The following TRAF3IP1 variants were observed in gnomAD, a reference collection of about 807,000 sequenced individuals.
The protein encoded by TRAF3IP1 is TRAF3-interacting protein 1.
In TRAF3IP1, 53 loss-of-function variants were observed where a neutral mutation model predicts 89.9. That is an observed-to-expected ratio of 0.59 (90% CI 0.47 to 0.74). TRAF3IP1 has a LOEUF of 0.74. TRAF3IP1 is among the 30% of genes least tolerant of loss of function. The pLI is 0.00. For synonymous variants in TRAF3IP1, 311 were observed against 322.1 expected, an observed-to-expected ratio of 0.97 and a Z score of 0.37; for missense variants, 806 against 866.1, an observed-to-expected ratio of 0.93 and a Z score of 0.87.
rs141509636 is a variant in TRAF3IP1 at position 238,375,219 on chromosome 2, G to A, written c.1689+19139G>A. On this transcript the variant is annotated intron_variant, in intron 15 of 16. Transcript: ENST00000373327. ...CTTCTCTCATTCTTTTAATTGTGAT[G>A]TTAGGGTGTTGATTTTAAATCTTTC... 2.7e-3 allele frequency among the ~76,000 whole-genome samples: 411 copies of A among 152,272 alleles called. 2 individuals carry two copies. The highest frequency in any genetic ancestry group is 9.3e-3 in the African/African-American group (388 of 41,548).
At chr2:238,352,330 G>T (rs1699208384) in intron 12 of TRAF3IP1, among the ~76,000 whole-genome samples, 2 of 152,136 alleles carry the variant, frequency 1.3e-5, no homozygotes, top group Non-Finnish European at 2.9e-5. Context: ...TTGAATGAGG[G>T]GCCTCCAGCT....
At chr2:238,331,680 C>CGATCTG (rs1698132974) in intron 5 of TRAF3IP1, among the ~76,000 whole-genome samples, 1 of 152,136 alleles carries the variant, frequency 6.6e-6, no homozygotes, top group Admixed American at 6.6e-5. Context: ...CTTCTGTGGA[C>CGATCTG]GATCTGGGGG....
intron 8 of TRAF3IP1, among the ~76,000 whole-genome samples, chr2:238,343,007 G>A (rs1330890718): frequency 6.6e-6 from 1 of 152,006 alleles, no homozygotes; most frequent in Non-Finnish European, 1.5e-5. Flanking sequence ...TAGAGTGGTA[G>A]GTCCTTTGAC....
At chr2:238,375,640 T>C (rs1014500678) in intron 15 of TRAF3IP1, among the ~76,000 whole-genome samples, 1 of 152,214 alleles carries the variant, frequency 6.6e-6, no homozygotes, top group African/African-American at 2.4e-5. Context: ...AGATGTCTAT[T>C]AGTTCTGCTT....
At chr2:238,321,995 G>A (rs1383496976) in intron 1 of TRAF3IP1, among the ~76,000 whole-genome samples, 3 of 152,170 alleles carry the variant, frequency 2.0e-5, no homozygotes, top group Admixed American at 1.3e-4. Flanking sequence ...AAATGCTCTC[G>A]AATCCACCCA....
intron 11 of TRAF3IP1, 78 bp from the exon 12 acceptor site, chr2:238,349,247 C>G (rs965596211): frequency 7.4e-7 from 1 of 1,348,184 alleles, no homozygotes; most frequent in Non-Finnish European, 1.0e-6. Context: ...AGTTAACATT[C>G]ACCTGGGCTT....
chr2:238,342,788 C>G (rs1412859881), intron 8 of TRAF3IP1, among the ~76,000 whole-genome samples: 10 of 152,048 alleles, frequency 6.6e-5, no homozygotes, highest in Admixed American at 6.6e-4. Flanking sequence ...AAGTCAGTAT[C>G]ATTTTCACAG....
chr2:238,382,453 C>T lies in TRAF3IP1; in HGVS notation c.1690-15006C>T, dbSNP rs75457237. Among the ~76,000 whole-genome samples the T allele has an allele frequency of 2.1e-3, 325 of 152,240 alleles. 1 individual carries two copies. Among genetic ancestry groups the T allele is most frequent in the African/African-American group, 6.4e-3 (265 of 41,528 alleles). ...GTTGAAAGAATCCAGAAAAATTTCA[C>T]GATTGTAAAGGAAACATTGCAACAG... On this transcript the variant is annotated intron_variant, in intron 15 of 16. Transcript: ENST00000373327.
At chr2:238,328,864 TAGTG>T (rs752376325) in intron 4 of TRAF3IP1, 35 bp downstream of exon 4, 16 of 1,601,548 alleles carry the variant, frequency 1.0e-5, no homozygotes, top group South Asian at 5.6e-5. Context: ...GAAAATGAAA[TAGTG>T]AGTCTTTTTG....
chr2:238,398,606 C>A (rs1027127945), intron 16 of TRAF3IP1, 148 bp from the exon 17 acceptor site: 15 of 866,532 alleles, frequency 1.7e-5, no homozygotes, highest in Non-Finnish European at 2.2e-5. Flanking sequence ...TTGGTTGTAG[C>A]AGGGGTTGTG....
intron 6 of TRAF3IP1, among the ~76,000 whole-genome samples, chr2:238,333,665 C>A (rs1213517795): frequency 3.3e-5 from 5 of 152,168 alleles, no homozygotes; most frequent in African/African-American, 7.2e-5. Flanking sequence ...GTGGAGTCCT[C>A]ATAAGCACAT....
chr2:238,388,998 T>C (rs959971583), intron 15 of TRAF3IP1, among the ~76,000 whole-genome samples: 3 of 152,182 alleles, frequency 2.0e-5, no homozygotes, highest in Non-Finnish European at 4.4e-5. Context: ...AGTATGTTAT[T>C]TGAAGCAAAT....
chr2:238,398,388 G>A (rs1259751957), intron 16 of TRAF3IP1, among the ~76,000 whole-genome samples: 2 of 132,302 alleles, frequency 1.5e-5, no homozygotes, highest in Non-Finnish European at 3.3e-5. Context: ...AGGTAGGGGT[G>A]TAGCGGAGTG....
chr2:238,374,588 C>G (rs993631497), intron 15 of TRAF3IP1, among the ~76,000 whole-genome samples: 34 of 152,238 alleles, frequency 2.2e-4, no homozygotes, highest in Admixed American at 2.1e-3. Flanking sequence ...GTCTAAAACT[C>G]TCTTTTTTTG....
chr2:238,337,575 C>T (rs958273241), intron 7 of TRAF3IP1, among the ~76,000 whole-genome samples: 6 of 152,234 alleles, frequency 3.9e-5, no homozygotes, highest in Non-Finnish European at 8.8e-5. Flanking sequence ...AAGGCTGCAG[C>T]GCAGCGAGGA....
At chr2:238,352,523 A>G (rs1462041114) in intron 12 of TRAF3IP1, among the ~76,000 whole-genome samples, 1 of 151,670 alleles carries the variant, frequency 6.6e-6, no homozygotes, top group East Asian at 1.9e-4. Context: ...TGTGCAGTAG[A>G]GGGCATGACG....
At chr2:238,357,611 ACT>A (rs1169497317) in intron 15 of TRAF3IP1, among the ~76,000 whole-genome samples, 1 of 152,110 alleles carries the variant, frequency 6.6e-6, no homozygotes, top group Admixed American at 6.5e-5. Flanking sequence ...TGACAGCACC[ACT>A]GTTTGCCTTG....
intron 15 of TRAF3IP1, among the ~76,000 whole-genome samples, chr2:238,369,364 C>T (rs1700011421): frequency 6.6e-6 from 1 of 152,176 alleles, no homozygotes; most frequent in Non-Finnish European, 1.5e-5. Flanking sequence ...AAGTGGAGCG[C>T]GTTCCACTGT....
chr2:238,373,895 A>G (rs183270620), intron 15 of TRAF3IP1, among the ~76,000 whole-genome samples: 42 of 152,316 alleles, frequency 2.8e-4, no homozygotes, highest in African/African-American at 9.1e-4. Context: ...CTTTGTAGCA[A>G]TTGTGAATGG....
Sources: gnomAD v4.1 joint callset for allele counts (sites outside exome capture counted in the v4.1 genomes callset) on GRCh38, gnomAD v4.1.1 for gene constraint, MANE v1.5 for transcripts, NCBI Gene and HGNC (gene_info 2026-07-23, HGNC 2026-07-21) for gene names.